KMT2D: variants seen among roughly 807,000 people sequenced by gnomAD.
KMT2D encodes the protein histone-lysine N-methyltransferase 2D.
In KMT2D, 55 loss-of-function variants were observed where a neutral mutation model predicts 512.7. The observed-to-expected ratio is 0.11, with a 90% CI of 0.09 to 0.13. The LOEUF (loss-of-function observed/expected upper bound fraction) is 0.13, where lower values mean the gene tolerates loss of function less well. KMT2D is among the 10% of genes least tolerant of loss of function. The pLI, the probability that KMT2D is intolerant of heterozygous loss-of-function variation, is 1.00. For synonymous variants in KMT2D, 2,995 were observed against 2,904.0 expected, an observed-to-expected ratio of 1.03 and a Z score of -1.01; for missense variants, 6,061 against 7,127.9, an observed-to-expected ratio of 0.85 and a Z score of 5.39.
Position 49,046,226 on chromosome 12 carries a change from CA to C in KMT2D, c.4583+33del. On this transcript the variant is annotated intron_variant, in intron 17 of 54. Coordinates refer to ENST00000301067, the MANE Select transcript of KMT2D (RefSeq NM_003482.4). This position sits in a 1 kb window ranked among gnomAD's most constrained non-coding sequence, Gnocchi z 4.2. ...AGCTCAGGCAATGCGAGGCTGGCAA[CA>C]GGGCCAAAGTGAGGAGAAAGGGATG... is the stretch of plus-strand genomic sequence containing the variant. 6.2e-7 allele frequency: 1 copy of C among 1,613,730 alleles called. No homozygotes were observed. Among genetic ancestry groups the C allele is most frequent in the African/African-American group, 1.3e-5 (1 of 75,042 alleles).
At position 49,034,436 on chromosome 12, in the gene KMT2D, G is replaced by C; in HGVS notation, c.10481C>G (p.Pro3494Arg). 6.2e-7 allele frequency: 1 copy of C among 1,613,790 alleles called. No homozygotes were observed. The stretch of plus-strand genomic sequence containing the variant: ...GATCACTCCCTGAGCAAAAGTGGGC[G>C]GGTTGGGACGAGGCTGGGAGGGATC... ...AGDPSQPRPN[P>R]PTFAQGVINE... Residue 3494 changes from proline to arginine, a missense_variant, in exon 38 of 55, where the codon CCG (proline) becomes CGG (arginine). Around this residue, in one of 16 missense-constraint regions of KMT2D, gnomAD observed 533 missense variants for 539.6 expected, o/e 0.99. Coordinates refer to ENST00000301067, the MANE Select transcript of KMT2D (RefSeq NM_003482.4).
rs1466559835 is a variant in KMT2D at position 49,037,922 on chromosome 12, G to A, written c.9434C>T (p.Pro3145Leu). The change falls in exon 35 of 55, where the codon CCT (proline) becomes CTT (leucine). Residue 3145 changes from proline (P) to leucine (L), a missense_variant. Pro to Leu is a moderately conservative substitution (Grantham distance 98). This residue lies in a region of KMT2D where 533 missense variants were observed against 539.6 expected (regional missense o/e 0.99). Coordinates refer to ENST00000301067, the MANE Select transcript of KMT2D (RefSeq NM_003482.4). ...TIATPKVEPA[P>L]AANSLGLGLK... ...CCCCAGGCCAAGGGAATTGGCAGCA[G>A]GTGCGGGCTCTACCTTGGGGGTAGC... 2 of 1,604,830 alleles carry A rather than the reference G, an allele frequency of 1.2e-6. No homozygotes were observed. The highest frequency in any genetic ancestry group is 1.3e-5 in the African/African-American group (1 of 74,928).
In KMT2D at chr12:49,020,446, C is replaced by G; in HGVS notation, c.*1334G>C. On this transcript the variant is annotated 3_prime_UTR_variant, in exon 55 of 55. Transcript: ENST00000301067. ...ATATATTTATATAGAATATATAAAG[C>G]ACAAAAATTAGTAGTTTTACATTTG... 5.3e-6 allele frequency: 1 copy of G among 187,892 alleles called. No homozygotes were observed. Among genetic ancestry groups the G allele is most frequent in the East Asian group, 8.4e-5 (1 of 11,972 alleles). 11.6% of individuals were successfully genotyped at this position (187,892 alleles called of 1,614,324 possible). A position where few individuals can be genotyped will look rare whatever the true frequency, so the allele number is the denominator to read the frequency against.
chr12:49,055,399 G>A, intron 1 of KMT2D, 38 bp from the exon 2 acceptor site: 1 of 1,371,348 alleles, frequency 7.3e-7, no homozygotes, highest in Non-Finnish European at 1.0e-6. Context: ...TGCCTACTAA[G>A]TCTTCCCAAG....
Position 49,024,434 on chromosome 12 carries a change from T to C in KMT2D, c.16052+144A>G. 1 of 1,035,776 alleles carries C rather than the reference T, an allele frequency of 9.7e-7. No homozygotes were observed. Among genetic ancestry groups the C allele is most frequent in the Non-Finnish European group, 1.4e-6 (1 of 724,588 alleles). The allele number at this position is 1,035,776 out of a possible 1,614,324, so 64.2% of individuals were successfully genotyped here. A position where few individuals can be genotyped will look rare whatever the true frequency, so the allele number is the denominator to read the frequency against. ...AAAGGATACCCTACTAATACCTGCA[T>C]GCCCTCTAATTAGGAAGTCTAAGAG... On this transcript the variant is annotated intron_variant, in intron 51 of 54. Transcript: ENST00000301067. The surrounding 1 kb of genome is among the most constrained non-coding windows in gnomAD (Gnocchi z 4.5).
At chr12:49,056,525 G>GT (rs1345636233) in intron 1 of KMT2D, among the ~76,000 whole-genome samples, 1 of 152,220 alleles carries the variant, frequency 6.6e-6, no homozygotes, top group Non-Finnish European at 1.5e-5. Flanking sequence ...GGAGAAAGTG[G>GT]TAAGTGTTAG....
chr12:49,027,562 G>C (rs1055369498), intron 48 of KMT2D, among the ~76,000 whole-genome samples: 17 of 152,134 alleles, frequency 1.1e-4, no homozygotes, highest in African/African-American at 3.9e-4. Flanking sequence ...GGATTCTCAT[G>C]CCTCAGCCTT....
At position 49,049,304 on chromosome 12, in the gene KMT2D, G is replaced by T. The variant is rs942579435; in HGVS notation, c.3907-86C>A. 1.1e-4 allele frequency: 100 copies of T among 870,812 alleles called. No individual in the cohort carries two copies. The African/African-American group carries it at 1.6e-3, about 14-fold the overall frequency. 53.9% of individuals were successfully genotyped at this position (870,812 alleles called of 1,614,324 possible). A position where few individuals can be genotyped will look rare whatever the true frequency, so the allele number is the denominator to read the frequency against. On this transcript the variant is annotated intron_variant, in intron 12 of 54. Coordinates refer to ENST00000301067, the MANE Select transcript of KMT2D (RefSeq NM_003482.4). ...CACTTGAACAGAAGAAGTGACAAAC[G>T]GACAGAGTAAGACAGGTAATAAGCC...
At position 49,024,799 on chromosome 12, in the gene KMT2D, CCCTT is replaced by C; in HGVS notation, c.15921+7_15921+10del. ...CCCGCCAAGCCCCCCAGCTCCCAGC[CCCTT>C]CCTTACTGATTCAGCTATGCGAAGC... On this transcript the variant is annotated splice_region_variant and intron_variant, in intron 50 of 54. Transcript: ENST00000301067. This position sits in a 1 kb window ranked among gnomAD's most constrained non-coding sequence, Gnocchi z 4.5. The C allele has an allele frequency of 6.2e-7, 1 of 1,611,666 alleles. No individual in the cohort carries two copies. The highest frequency in any genetic ancestry group is 8.5e-7 in the Non-Finnish European group (1 of 1,178,278).
At position 49,038,091 on chromosome 12, in the gene KMT2D, C is replaced by G; in HGVS notation, c.9265G>C (p.Val3089Leu). 6.2e-7 allele frequency: 1 copy of G among 1,613,692 alleles called. No homozygotes were observed. The highest frequency in any genetic ancestry group is 8.5e-7 in the Non-Finnish European group (1 of 1,179,836). ...TCAGGGCCCAAGGGTCCTGGCTCCA[C>G]CCCCCGCAGCAGGGCCTCCCGTTCA... ...KAEREALLRGVEPGPLGPEER... is the reference protein window; with the variant it reads ...KAEREALLRGLEPGPLGPEER... Residue 3089 changes from valine to leucine, a missense_variant, in exon 35 of 55, where the codon GTG becomes CTG. Val to Leu is a conservative substitution (Grantham distance 32). Around this residue, in one of 16 missense-constraint regions of KMT2D, gnomAD observed 533 missense variants for 539.6 expected, o/e 0.99. Coordinates refer to ENST00000301067, the MANE Select transcript of KMT2D (RefSeq NM_003482.4). The surrounding 1 kb of genome is among the most constrained non-coding windows in gnomAD (Gnocchi z 5.7).
Position 49,032,484 on chromosome 12 carries a change from T to C in KMT2D, c.12221A>G (p.Gln4074Arg). The change falls in exon 40 of 55, where the codon CAA becomes CGA. Residue 4074 changes from glutamine (Q) to arginine (R), a missense_variant. Coordinates refer to ENST00000301067, the MANE Select transcript of KMT2D (RefSeq NM_003482.4). ...EVKPSLSGDS[Q>R]LLLVQPQPQP... ...GGGCTGGGGTTGGACAAGCAGGAGTTGTGAGTCCCCAGAGAGTGAGGGCTT... is the reference window on the plus strand; with the variant it reads ...GGGCTGGGGTTGGACAAGCAGGAGTCGTGAGTCCCCAGAGAGTGAGGGCTT... 6.4e-7 allele frequency: 1 copy of C among 1,568,858 alleles called. No homozygotes were observed.
In KMT2D at chr12:49,032,258, G is replaced by C. The variant is rs1942958256; in HGVS notation, c.12447C>G (p.Thr4149=). ...GCTGTTGGGGGCCCAGAAGGTTCTGGGTCATGGACCCAGGCTGATCCCCTA... is the reference window on the plus strand; with the variant it reads ...GCTGTTGGGGGCCCAGAAGGTTCTGCGTCATGGACCCAGGCTGATCCCCTA... The part of the protein sequence containing the change: ...VSLGDQPGSM[T]QNLLGPQQPM... The change falls in exon 40 of 55, where the codon ACC becomes ACG. Residue 4149 remains threonine (T), a synonymous_variant. Coordinates refer to ENST00000301067, the MANE Select transcript of KMT2D (RefSeq NM_003482.4). 1.2e-6 allele frequency: 2 copies of C among 1,613,842 alleles called. No homozygotes were observed. Among genetic ancestry groups the C allele is most frequent in the Non-Finnish European group, 1.7e-6 (2 of 1,179,858 alleles).
At position 49,044,413 on chromosome 12, in the gene KMT2D, T is replaced by A. The variant is rs768138617; in HGVS notation, c.5073A>T (p.Pro1691=). 6.2e-7 allele frequency: 1 copy of A among 1,613,596 alleles called. No individual in the cohort carries two copies. Among genetic ancestry groups the A allele is most frequent in the Admixed American group, 1.7e-5 (1 of 59,996 alleles). Residue 1691 remains proline (P), a synonymous_variant, in exon 21 of 55, where the codon CCA becomes CCT. Coordinates refer to ENST00000301067, the MANE Select transcript of KMT2D (RefSeq NM_003482.4). This position sits in a 1 kb window ranked among gnomAD's most constrained non-coding sequence, Gnocchi z 6.4. ...TEESKKRKRK[P]YRPGIGGFMV... ...ATCCCAGGACCTCACCAGGCCGATATGGTTTACGCTTGCGTTTTTTGCTTT... is the reference window on the plus strand; with the variant it reads ...ATCCCAGGACCTCACCAGGCCGATAAGGTTTACGCTTGCGTTTTTTGCTTT...
In KMT2D at chr12:49,027,794, C is replaced by G; in HGVS notation, c.14643+9G>C. On this transcript the variant is annotated intron_variant, in intron 48 of 54. Transcript: ENST00000301067. ...CTAACACCCACCCCTTTTTCTCCCCCAGACCTACCTGTTTCAGGAGGCTCA... is the reference window on the plus strand; with the variant it reads ...CTAACACCCACCCCTTTTTCTCCCCGAGACCTACCTGTTTCAGGAGGCTCA... 2 of 1,556,802 alleles carry G rather than the reference C, an allele frequency of 1.3e-6. No individual in the cohort carries two copies. Among genetic ancestry groups the G allele is most frequent in the South Asian group, 1.2e-5 (1 of 84,482 alleles).
Position 49,039,876 on chromosome 12 carries a change from C to T in KMT2D, c.7894G>A (p.Ala2632Thr), listed in dbSNP as rs1565791728. The change falls in exon 32 of 55, where the codon GCC (alanine) becomes ACC (threonine). Residue 2632 changes from alanine to threonine, a missense_variant. Physicochemically the swap from Ala to Thr is moderately conservative, Grantham distance 58. Around this residue, in one of 16 missense-constraint regions of KMT2D, gnomAD observed 527 missense variants for 578.9 expected, o/e 0.91. Transcript: ENST00000301067. This position sits in a 1 kb window ranked among gnomAD's most constrained non-coding sequence, Gnocchi z 5.0. ...GAGGTGATGCCTGATCGCTGTGAGGCTCCATGGGACAGGTAGGGGAGGGAT... is the reference window on the plus strand; with the variant it reads ...GAGGTGATGCCTGATCGCTGTGAGGTTCCATGGGACAGGTAGGGGAGGGAT... ...DGSLPYLSHG[A>T]SQRSGITSPV... The T allele has an allele frequency of 1.2e-6, 2 of 1,613,930 alleles. No homozygotes were observed. The highest frequency in any genetic ancestry group is 1.7e-5 in the Admixed American group (1 of 60,008).
Position 49,042,705 on chromosome 12 carries a change from T to G in KMT2D, c.5782+36A>C. ...TGGCCCATCCTGGAGGCAAGCTTGG[T>G]TATGTCAGTCTTCAGACCACTCCCA... On this transcript the variant is annotated intron_variant, in intron 27 of 54. Transcript: ENST00000301067. This position sits in a 1 kb window ranked among gnomAD's most constrained non-coding sequence, Gnocchi z 4.4. 6.2e-7 allele frequency: 1 copy of G among 1,608,886 alleles called. No homozygotes were observed. The highest frequency in any genetic ancestry group is 8.5e-7 in the Non-Finnish European group (1 of 1,176,370).
At position 49,044,136 on chromosome 12, in the gene KMT2D, C is replaced by A; in HGVS notation, c.5188+64G>T. ...CTTGGCCCTTTCAATGAGTCCACCC[C>A]CTGGGTCTCTCTAGCATTGCCCCAC... On this transcript the variant is annotated intron_variant, in intron 22 of 54. Transcript: ENST00000301067. The surrounding 1 kb of genome is among the most constrained non-coding windows in gnomAD (Gnocchi z 6.4). 3 of 1,588,672 alleles carry A rather than the reference C, an allele frequency of 1.9e-6. No homozygotes were observed. The highest frequency in any genetic ancestry group is 2.6e-6 in the Non-Finnish European group (3 of 1,164,790).
chr12:49,034,336 G>T (rs768916197), intron 38 of KMT2D, 37 bp from the exon 39 acceptor site: 32 of 1,610,384 alleles, frequency 2.0e-5, no homozygotes, highest in Non-Finnish European at 2.5e-5. Context: ...CCTGCAAAAG[G>T]GTAATCCCAA....
At position 49,033,950 on chromosome 12, in the gene KMT2D, C is replaced by A; in HGVS notation, c.10755G>T (p.Gln3585His). 1 of 1,531,690 alleles carries A rather than the reference C, an allele frequency of 6.5e-7. No homozygotes were observed. The allele number at this position is 1,531,690 out of a possible 1,614,324, so 94.9% of individuals were successfully genotyped here. Residue 3585 changes from glutamine (Q) to histidine (H), a missense_variant, in exon 40 of 55, where the codon CAG becomes CAT. Gln to His is a conservative substitution (Grantham distance 24). Coordinates refer to ENST00000301067, the MANE Select transcript of KMT2D (RefSeq NM_003482.4). ...QKQLDQVRKQ[Q>H]KEHTNLMAEY... is the part of the protein sequence containing the mutation. ...CTGCCATGAGATTAGTGTGCTCCTT[C>A]TGCTGTTTCCGGACCTAACATGGGA...
Sources: gnomAD v4.1 joint callset for allele counts (sites outside exome capture counted in the v4.1 genomes callset) on GRCh38, gnomAD v4.1.1 for gene constraint, gnomAD v4.1.1 regional missense constraint, Gnocchi (gnomAD v3.1) non-coding constraint, MANE v1.5 for transcripts, NCBI Gene and HGNC (gene_info 2026-07-23, HGNC 2026-07-21) for gene names.